The following CRYZ variants were observed in gnomAD, a reference collection of about 807,000 sequenced individuals.
CRYZ encodes the protein crystallin zeta, also known as zeta-crystallin.
CRYZ carries 35 observed loss-of-function variants against 34.1 expected under a neutral mutation model. The ratio of observed to expected loss-of-function variants is 1.03; its 90% CI spans 0.78 to 1.36. The LOEUF (loss-of-function observed/expected upper bound fraction) is 1.36. Ranked by LOEUF, CRYZ falls within the 40% of genes most tolerant of loss-of-function variation. CRYZ has a pLI of 0.00. For synonymous variants in CRYZ, 137 were observed against 136.5 expected, an observed-to-expected ratio of 1.00 and a Z score of -0.03; for missense variants, 403 against 391.8, an observed-to-expected ratio of 1.03 and a Z score of -0.24.
At chr1:74,724,891 T>A in intron 1 of CRYZ, 57 bp from the exon 2 acceptor site, 2 of 1,031,758 alleles carry the variant, frequency 1.9e-6, no homozygotes, top group East Asian at 4.9e-5. Flanking sequence ...ATCACCATGT[T>A]TTTCCCCCCT....
intron 1 of CRYZ, among the ~76,000 whole-genome samples, chr1:74,729,956 G>GCT (rs142097294): frequency 0.049 from 7,286 of 149,836 alleles, 332 homozygotes; most frequent in African/African-American, 0.12. Flanking sequence ...TAAGCTGGGT[G>GCT]CTCTCTCTCT....
intron 1 of CRYZ, among the ~76,000 whole-genome samples, chr1:74,731,045 T>G (rs1224081002): frequency 6.6e-6 from 1 of 152,238 alleles, no homozygotes; most frequent in Non-Finnish European, 1.5e-5. Context: ...TTGCTTGTGC[T>G]TTTTAATTAA....
Position 74,724,692 on chromosome 1 carries a change from A to G in CRYZ, c.111+19T>C, listed in dbSNP as rs377745618. On this transcript the variant is annotated intron_variant, in intron 2 of 8. Coordinates refer to ENST00000340866, the MANE Select transcript of CRYZ (RefSeq NM_001889.4). ...CACTCAGTATAATTATAGCCTCAAT[A>G]AAGTAATTTTATTTCTACCTGATGG... is the stretch of plus-strand genomic sequence containing the variant. 3.8e-5 allele frequency: 56 copies of G among 1,477,718 alleles called. No individual in the cohort carries two copies. Among genetic ancestry groups the G allele is most frequent in the Non-Finnish European group, 5.0e-5 (53 of 1,062,186 alleles). 91.5% of individuals were successfully genotyped at this position (1,477,718 alleles called of 1,614,324 possible).
chr1:74,721,540 A>G (rs1488464499), intron 3 of CRYZ, among the ~76,000 whole-genome samples: 1 of 152,210 alleles, frequency 6.6e-6, no homozygotes, highest in African/African-American at 2.4e-5. Flanking sequence ...TTCATTCTAG[A>G]GTAAGGATGA....
At chr1:74,727,580 TGA>T (rs201347010) in intron 1 of CRYZ, among the ~76,000 whole-genome samples, 94,211 of 144,032 alleles carry the variant, frequency 0.65, 30,997 homozygotes, top group East Asian at 0.78. Context: ...TCCAGTGAGC[TGA>T]GAGATGCCAC....
chr1:74,709,768 T>G (rs1413124323), intron 6 of CRYZ, among the ~76,000 whole-genome samples: 1 of 152,174 alleles, frequency 6.6e-6, no homozygotes, highest in African/African-American at 2.4e-5. Context: ...TCAGTAGAAA[T>G]TATATTAAGA....
In CRYZ at chr1:74,707,118, A is replaced by C; in HGVS notation, c.717T>G (p.His239Gln). 6.3e-7 allele frequency: 1 copy of C among 1,583,188 alleles called. No homozygotes were observed. Among genetic ancestry groups the C allele is most frequent in the South Asian group, 1.2e-5 (1 of 85,690 alleles). Residue 239 changes from histidine (H) to glutamine (Q), a missense_variant, in exon 7 of 9, where the codon CAT (histidine) becomes CAG (glutamine). By Grantham distance (24) the His-to-Gln change is conservative (BLOSUM62 0). Transcript: ENST00000340866. Reference protein sequence around the residue: ...NLSKDLSLLSHGGRVIVVGSR... With the variant: ...NLSKDLSLLSQGGRVIVVGSR... ...GAATACTTACTATCACTCGTCCTCC[A>C]TGTGACAGAAGACTCAAGTCTTTAC...
Position 74,706,185 on chromosome 1 carries a change from A to T in CRYZ, c.*111T>A. 2.1e-6 allele frequency: 2 copies of T among 946,000 alleles called. No homozygotes were observed. The highest frequency in any genetic ancestry group is 3.0e-6 in the Non-Finnish European group (2 of 658,718). 58.6% of individuals were successfully genotyped at this position (946,000 alleles called of 1,614,324 possible). A position where few individuals can be genotyped will look rare whatever the true frequency, so the allele number is the denominator to read the frequency against. ...CTCTAAAGAAAAATCTTATTTTTTC[A>T]CATAAGAAGCTCATGGAATCGAATG... On this transcript the variant is annotated 3_prime_UTR_variant, in exon 9 of 9. Coordinates refer to ENST00000340866, the MANE Select transcript of CRYZ (RefSeq NM_001889.4).
intron 4 of CRYZ, 44 bp downstream of exon 4, chr1:74,719,165 C>G (rs1204036485): frequency 2.5e-6 from 4 of 1,594,348 alleles, no homozygotes; most frequent in Non-Finnish European, 3.4e-6. Flanking sequence ...TTAACACTAC[C>G]CTCTTTTGGC....
intron 1 of CRYZ, among the ~76,000 whole-genome samples, chr1:74,726,541 C>T (rs1647349848): frequency 6.6e-6 from 1 of 152,296 alleles, no homozygotes; most frequent in Non-Finnish European, 1.5e-5. Flanking sequence ...AGGCCTCTGG[C>T]CTGTGATGAG....
At chr1:74,724,649 C>A in intron 2 of CRYZ, 62 bp downstream of exon 2, 1 of 1,015,880 alleles carries the variant, frequency 9.8e-7, no homozygotes, top group Non-Finnish European at 1.5e-6. Flanking sequence ...CTTTTTAATA[C>A]AATGTGCAAG....
Position 74,706,237 on chromosome 1 carries a change from A to G in CRYZ, c.*59T>C. The G allele has an allele frequency of 7.2e-7, 1 of 1,390,686 alleles. No homozygotes were observed. Among genetic ancestry groups the G allele is most frequent in the Non-Finnish European group, 9.7e-7 (1 of 1,031,886 alleles). 86.1% of individuals were successfully genotyped at this position (1,390,686 alleles called of 1,614,324 possible). ...TAATTAAAGAAAAGATAGGGTAAGT[A>G]CAACTGGGGGAAAGACAGTACCTCT... On this transcript the variant is annotated 3_prime_UTR_variant, in exon 9 of 9. Transcript: ENST00000340866.
intron 4 of CRYZ, among the ~76,000 whole-genome samples, chr1:74,716,197 C>CGTGTGT (rs946657951): frequency 9.3e-5 from 14 of 150,506 alleles, no homozygotes; most frequent in Non-Finnish European, 1.5e-4. Flanking sequence ...TCTGTGTGCG[C>CGTGTGT]GTGTGTGTGT....
Position 74,706,311 on chromosome 1 carries a change from C to T in CRYZ, c.975G>A (p.Met325Ile), listed in dbSNP as rs770829107. 3.1e-6 allele frequency: 5 copies of T among 1,603,544 alleles called. No individual in the cohort carries two copies. The East Asian group carries it at 1.1e-4, about 36-fold the overall frequency. The change falls in exon 9 of 9, where the codon ATG becomes ATA. Residue 325 changes from methionine to isoleucine, a missense_variant. Coordinates refer to ENST00000340866, the MANE Select transcript of CRYZ (RefSeq NM_001889.4). ...GAATTAATCATCATAAGAGAAGAAT[C>T]ATTTTTCCAGTAGCCCCACTACCAT... is the stretch of plus-strand genomic sequence containing the variant. ...IIHGSGATGK[M>I]ILLL is the part of the protein sequence containing the mutation.
At position 74,724,822 on chromosome 1, in the gene CRYZ, G is replaced by A. The variant is rs769539417; in HGVS notation, c.-1C>T. ...TCATCAACTTCTGTCCAGTCGCCAT[G>A]GTGATCTAGATACTAAGGAAGAAAA... On this transcript the variant is annotated 5_prime_UTR_variant, in exon 2 of 9. Coordinates refer to ENST00000340866, the MANE Select transcript of CRYZ (RefSeq NM_001889.4). 4 of 1,595,058 alleles carry A rather than the reference G, an allele frequency of 2.5e-6. No individual in the cohort carries two copies. The South Asian group carries it at 4.5e-5, about 18-fold the overall frequency.
intron 5 of CRYZ, among the ~76,000 whole-genome samples, chr1:74,713,077 G>A (rs960829843): frequency 1.3e-5 from 2 of 152,134 alleles, no homozygotes; most frequent in Non-Finnish European, 2.9e-5. Context: ...GCAAAACCCA[G>A]TACTGTTTCC....
At chr1:74,714,557 A>C (rs771799366) in intron 5 of CRYZ, 22 bp downstream of exon 5, 1 of 1,611,412 alleles carries the variant, frequency 6.2e-7, no homozygotes, top group Admixed American at 1.7e-5. Flanking sequence ...TTGTTTCAAA[A>C]TACATTAAAA....
intron 3 of CRYZ, among the ~76,000 whole-genome samples, chr1:74,722,824 G>A (rs368720368): frequency 6.6e-6 from 1 of 151,962 alleles, no homozygotes; most frequent in Non-Finnish European, 1.5e-5. Context: ...ACTTCCTTGT[G>A]TGTTTTCTTT....
At chr1:74,718,919 T>C (rs958253849) in intron 4 of CRYZ, among the ~76,000 whole-genome samples, 3 of 152,150 alleles carry the variant, frequency 2.0e-5, no homozygotes, top group African/African-American at 7.2e-5. Flanking sequence ...TATATATCCC[T>C]ATGCACATCT....
Sources: allele counts gnomAD v4.1 joint callset (sites outside exome capture counted in the v4.1 genomes callset), GRCh38; gene constraint gnomAD v4.1.1; transcripts MANE v1.5; gene names NCBI Gene and HGNC (gene_info 2026-07-23, HGNC 2026-07-21).